The following TULP1 variants were observed in gnomAD, a reference collection of about 807,000 sequenced individuals.
TULP1 encodes TUB like protein 1.
Under a neutral mutation model 67.1 loss-of-function variants are expected in TULP1, and 50 were observed. The ratio of observed to expected loss-of-function variants is 0.75; its 90% CI spans 0.59 to 0.94. The LOEUF (loss-of-function observed/expected upper bound fraction) is 0.94. Among genes scored for constraint, TULP1 ranks in the 40% least tolerant of loss-of-function variants. The pLI, the probability that TULP1 is intolerant of heterozygous loss-of-function variation, is 0.00. For missense variants in TULP1, 746 were observed against 734.1 expected, an observed-to-expected ratio of 1.02 and a Z score of -0.19; for synonymous variants, 297 against 294.0, an observed-to-expected ratio of 1.01 and a Z score of -0.11.
chr6:35,503,082 C>T lies in TULP1; in HGVS notation c.1323+477G>A, dbSNP rs924909603. Among the ~76,000 whole-genome samples, 15 of 151,924 alleles carry T rather than the reference C, an allele frequency of 9.9e-5. No individual in the cohort carries two copies. The highest frequency in any genetic ancestry group is 1.6e-4 in the Non-Finnish European group (11 of 67,998). ...CCTCCCAAGTAGCTGGGACTATAGG[C>T]GCCCGCCACCATGCCCGGCTAATTT... On this transcript the variant is annotated intron_variant, in intron 13 of 14. Coordinates refer to ENST00000229771, the MANE Select transcript of TULP1 (RefSeq NM_003322.6). This position sits in a 1 kb window ranked among gnomAD's most constrained non-coding sequence, Gnocchi z 4.0.
chr6:35,503,288 A>T lies in TULP1; in HGVS notation c.1323+271T>A. On this transcript the variant is annotated intron_variant, in intron 13 of 14. Transcript: ENST00000229771. The surrounding 1 kb of genome is among the most constrained non-coding windows in gnomAD (Gnocchi z 4.0). ...CACTGATGTCTTCCAGGTGCCTAGG[A>T]TAATACTTGGCACTCAATATGTGTG... is the stretch of plus-strand genomic sequence containing the variant. 2.2e-6 allele frequency: 1 copy of T among 457,888 alleles called. No individual in the cohort carries two copies. 28.4% of individuals were successfully genotyped at this position (457,888 alleles called of 1,614,324 possible).
intron 11 of TULP1, chr6:35,504,064 C>T: frequency 3.8e-6 from 2 of 530,934 alleles, no homozygotes; most frequent in East Asian, 3.3e-5. Context: ...GCTTGTAATC[C>T]CAGCACTTTG....
intron 11 of TULP1, among the ~76,000 whole-genome samples, chr6:35,504,998 A>T (rs1474470238): frequency 6.6e-6 from 1 of 152,104 alleles, no homozygotes; most frequent in African/African-American, 2.4e-5. Flanking sequence ...GTGCAGTGGC[A>T]TGATCCCAGC....
rs754221623 is a variant in TULP1 at position 35,509,705 on chromosome 6, G to C, written c.647C>G (p.Ala216Gly). 6.2e-7 allele frequency: 1 copy of C among 1,613,856 alleles called. No individual in the cohort carries two copies. Among genetic ancestry groups the C allele is most frequent in the African/African-American group, 1.3e-5 (1 of 74,868 alleles). ...AAACATGGCTGCTGGGCTCTTCCTCGCACTGGCTGGGCTCCCTGAGGGGTC... is the reference window on the plus strand; with the variant it reads ...AAACATGGCTGCTGGGCTCTTCCTCCCACTGGCTGGGCTCCCTGAGGGGTC... ...DKDPSGSPAS[A>G]RKSPAAMFLV... The change falls in exon 7 of 15, where the codon GCG becomes GGG. Residue 216 changes from alanine (A) to glycine (G), a missense_variant. This residue lies in a region of TULP1 where 359 missense variants were observed against 341.9 expected (regional missense o/e 1.05). Coordinates refer to ENST00000229771, the MANE Select transcript of TULP1 (RefSeq NM_003322.6).
chr6:35,511,887 G>A, intron 3 of TULP1, 81 bp from the exon 4 acceptor site: 1 of 1,426,172 alleles, frequency 7.0e-7, no homozygotes, highest in Non-Finnish European at 9.3e-7. Flanking sequence ...CCCCAAGCCT[G>A]GGCGCACCCC....
intron 2 of TULP1, 50 bp from the exon 3 acceptor site, chr6:35,512,320 AG>A: frequency 1.1e-6 from 1 of 934,066 alleles, no homozygotes; most frequent in Non-Finnish European, 1.5e-6. Flanking sequence ...GGGGGCGCTG[AG>A]GCCCGCCCAT....
intron 5 of TULP1, chr6:35,510,639 G>A: frequency 1.1e-6 from 1 of 882,720 alleles, no homozygotes; most frequent in Non-Finnish European, 1.7e-6. Context: ...CTGCCTCACA[G>A]AGCTCAAGGG....
At chr6:35,509,133 C>G (rs1327844077) in intron 8 of TULP1, 76 bp downstream of exon 8, 2 of 1,355,790 alleles carry the variant, frequency 1.5e-6, no homozygotes, top group African/African-American at 2.9e-5. Flanking sequence ...AGCCCCCACC[C>G]TCTAGGCTCC....
Position 35,503,553 on chromosome 6 carries a change from G to T in TULP1, c.1323+6C>A. On this transcript the variant is annotated splice_donor_region_variant and intron_variant, in intron 13 of 14. Transcript: ENST00000229771. The surrounding 1 kb of genome is among the most constrained non-coding windows in gnomAD (Gnocchi z 4.0). The stretch of plus-strand genomic sequence containing the variant: ...GAGCCAGGGGCCAGGGAGGTGCGGG[G>T]CTCACATTTCGGGGCCGGATGGGGA... 2.6e-6 allele frequency: 4 copies of T among 1,562,396 alleles called. No homozygotes were observed. Among genetic ancestry groups the T allele is most frequent in the Non-Finnish European group, 3.5e-6 (4 of 1,153,274 alleles).
intron 3 of TULP1, 23 bp from the exon 4 acceptor site, chr6:35,511,829 G>T (rs879637931): frequency 5.3e-6 from 8 of 1,520,428 alleles, no homozygotes; most frequent in African/African-American, 2.8e-5. Context: ...GCGGGGTTCA[G>T]ACAGGGTCCC....
intron 5 of TULP1, 35 bp from the exon 6 acceptor site, chr6:35,509,963 T>C (rs1227764187): frequency 6.2e-7 from 1 of 1,603,392 alleles, no homozygotes; most frequent in South Asian, 1.1e-5. Flanking sequence ...GCAAAGAAGG[T>C]GTCTACTGGG....
At chr6:35,504,447 G>A (rs1333235827) in intron 11 of TULP1, among the ~76,000 whole-genome samples, 1 of 152,154 alleles carries the variant, frequency 6.6e-6, no homozygotes, top group Non-Finnish European at 1.5e-5. Flanking sequence ...CTTAGGCAAG[G>A]TATTTAAACT....
At chr6:35,499,086 G>A (rs893002608) in intron 14 of TULP1, among the ~76,000 whole-genome samples, 1 of 152,186 alleles carries the variant, frequency 6.6e-6, no homozygotes, top group Admixed American at 6.5e-5. Context: ...GGATGCAGTT[G>A]GGGCTCGCTC....
intron 5 of TULP1, 197 bp downstream of exon 5, chr6:35,510,664 G>GC (rs1250164005): frequency 7.8e-5 from 94 of 1,211,678 alleles, no homozygotes; most frequent in Non-Finnish European, 1.0e-4. Flanking sequence ...GGGCAGTGGG[G>GC]CCAGGGGTGG....
intron 13 of TULP1, among the ~76,000 whole-genome samples, chr6:35,502,382 C>A (rs182852128): frequency 6.6e-6 from 1 of 152,064 alleles, no homozygotes; most frequent in Non-Finnish European, 1.5e-5. Context: ...TTAGTAGAGA[C>A]GGGATTTTAC....
In TULP1 at chr6:35,509,320, T is replaced by C; in HGVS notation, c.719-8A>G. The C allele has an allele frequency of 6.2e-7, 1 of 1,613,708 alleles. No homozygotes were observed. On this transcript the variant is annotated splice_region_variant and splice_polypyrimidine_tract_variant and intron_variant, in intron 7 of 14. Coordinates refer to ENST00000229771, the MANE Select transcript of TULP1 (RefSeq NM_003322.6). Reference sequence around the variant, plus strand: ...TCGCGCCTTTGGGAGTGCCTGAGCGTGGAGGGGGAAACAAGGCTGTGAACT... The same window carrying C: ...TCGCGCCTTTGGGAGTGCCTGAGCGCGGAGGGGGAAACAAGGCTGTGAACT...
chr6:35,499,916 T>C, intron 14 of TULP1, 65 bp downstream of exon 14: 2 of 1,591,330 alleles, frequency 1.3e-6, no homozygotes, highest in Non-Finnish European at 1.7e-6. Flanking sequence ...TGAGGGGAGC[T>C]TGAATGAAGG....
intron 5 of TULP1, chr6:35,510,649 G>T: frequency 3.0e-6 from 3 of 993,176 alleles, no homozygotes; most frequent in Non-Finnish European, 4.3e-6. Flanking sequence ...GAGCTCAAGG[G>T]GCAGGGGCAG....
chr6:35,512,190 C>T lies in TULP1; in HGVS notation c.180G>A (p.Arg60=). The T allele has an allele frequency of 7.4e-7, 1 of 1,345,458 alleles. No individual in the cohort carries two copies. 83.3% of individuals were successfully genotyped at this position (1,345,458 alleles called of 1,614,324 possible). ...ESPCPTGSKP[R]KPGAGRTGRP... is the part of the protein sequence containing the mutation. Reference sequence around the variant, plus strand: ...CTGCACCCCGCCCACCTCCGGGCTTCCGGGGCTTGGATCCCGTGGGGCAGG... The same window carrying T: ...CTGCACCCCGCCCACCTCCGGGCTTTCGGGGCTTGGATCCCGTGGGGCAGG... Residue 60 remains arginine, a synonymous_variant, in exon 3 of 15, where the codon CGG becomes CGA. Coordinates refer to ENST00000229771, the MANE Select transcript of TULP1 (RefSeq NM_003322.6).
Sources: allele counts gnomAD v4.1 joint callset (sites outside exome capture counted in the v4.1 genomes callset), GRCh38; gene constraint gnomAD v4.1.1; regional missense constraint gnomAD v4.1.1; non-coding constraint Gnocchi (gnomAD v3.1); transcripts MANE v1.5; gene names NCBI Gene and HGNC (gene_info 2026-07-23, HGNC 2026-07-21).